Variants in SUGP2 observed in about 807,000 individuals in gnomAD.
The protein encoded by SUGP2 is SURP and G-patch domain containing 2.
Under a neutral mutation model 90.5 loss-of-function variants are expected in SUGP2, and 24 were observed. The observed-to-expected ratio is 0.27, with a 90% CI of 0.19 to 0.37. The LOEUF is 0.37. SUGP2 is among the 10% of genes least tolerant of loss of function. SUGP2 has a pLI of 1.00. For synonymous variants in SUGP2, 473 were observed against 513.4 expected (o/e 0.92, Z 1.06); for missense variants, 1,233 against 1,363.3 (o/e 0.90, Z 1.51).
At chr19:19,005,475 G>C (rs2058027411) in intron 6 of SUGP2, among the ~76,000 whole-genome samples, 1 of 151,884 alleles carries the variant, frequency 6.6e-6, no homozygotes, top group African/African-American at 2.4e-5. Context: ...GACTCATAAG[G>C]GGTTCCAGCC....
intron 6 of SUGP2, 34 bp downstream of exon 6, chr19:19,008,283 A>G (rs745634795): frequency 5.3e-6 from 8 of 1,517,932 alleles, no homozygotes; most frequent in Non-Finnish European, 7.3e-6. Flanking sequence ...TCTGAGAAAG[A>G]AAAAGGTGTG....
rs1380055583 is a variant in SUGP2, at chr19:19,010,270, G to A, written c.1923C>T (p.Ser641=). 6.2e-6 allele frequency: 10 copies of A among 1,614,036 alleles called. No homozygotes were observed. The highest frequency in any genetic ancestry group is 2.2e-5 in the East Asian group (1 of 44,872). ...TCTGGTCGGCTCCTCGCAAGTTCTC[G>A]CTCATCCGCTGCATTTCTGCCAACT... The part of the protein sequence containing the change: ...KLKLAEMQRM[S]ENLRGADQKP... Residue 641 remains serine, a synonymous_variant, in exon 5 of 11, where the codon AGC becomes AGT. Coordinates refer to ENST00000452918, the MANE Select transcript of SUGP2 (RefSeq NM_001017392.5).
chr19:19,012,898 C>G (rs997442378), intron 4 of SUGP2, among the ~76,000 whole-genome samples: 1 of 151,882 alleles, frequency 6.6e-6, no homozygotes, highest in African/African-American at 2.4e-5. Context: ...GAGTCTCGCT[C>G]TGTCACCCAG....
chr19:19,033,826 G>A (rs1050832505), upstream of SUGP2: 2 of 269,552 alleles, frequency 7.4e-6, no homozygotes, highest in South Asian at 7.6e-5. Flanking sequence ...CAAGCCTAGG[G>A]GCGCCACAGC....
chr19:19,005,865 ACACACACACACACACACACACACACAC>A (rs1404789573), intron 6 of SUGP2, among the ~76,000 whole-genome samples: 11 of 10,888 alleles, frequency 1.0e-3, no homozygotes, highest in East Asian at 7.6e-3. Flanking sequence ...ACACACACAC[ACACACACACACACACACACACACACAC>A]CACACACACA....
In SUGP2 at chr19:19,025,493, G is replaced by A. The variant is rs768523816; in HGVS notation, c.855C>T (p.Asn285=). The A allele has an allele frequency of 6.2e-7, 1 of 1,614,114 alleles. No homozygotes were observed. The highest frequency in any genetic ancestry group is 8.5e-7 in the Non-Finnish European group (1 of 1,180,008). ...GGAACTGGATATCTTCTGTCCCTGGGTTTGTCCCCAGGGTCACATCAGGAC... is the reference window on the plus strand; with the variant it reads ...GGAACTGGATATCTTCTGTCCCTGGATTTGTCCCCAGGGTCACATCAGGAC... ...TPSPDVTLGT[N]PGTEDIQFPI... Residue 285 remains asparagine (N), a synonymous_variant, in exon 3 of 11, where the codon AAC becomes AAT. Coordinates refer to ENST00000452918, the MANE Select transcript of SUGP2 (RefSeq NM_001017392.5).
rs972964591 is a variant in SUGP2 at position 19,018,816 on chromosome 19, C to A, written c.1850+293G>T. Among the ~76,000 whole-genome samples the A allele has an allele frequency of 2.6e-5, 4 of 151,778 alleles. No homozygotes were observed. The East Asian group carries it at 7.8e-4, about 29-fold the overall frequency. On this transcript the variant is annotated intron_variant, in intron 4 of 10. Transcript: ENST00000452918. The stretch of plus-strand genomic sequence containing the variant: ...TGTATTACTAATCTTACTACCCTTA[C>A]TCTGTATTCTCTGCATGCACATCTC...
chr19:19,031,876 C>T (rs1228541626), intron 1 of SUGP2, among the ~76,000 whole-genome samples: 1 of 143,162 alleles, frequency 7.0e-6, no homozygotes, highest in East Asian at 2.0e-4. Flanking sequence ...GTTGGCCAGG[C>T]TGGTCTCGAA....
At chr19:19,017,883 T>C (rs1165722070) in intron 4 of SUGP2, among the ~76,000 whole-genome samples, 1 of 151,328 alleles carries the variant, frequency 6.6e-6, no homozygotes, top group Non-Finnish European at 1.5e-5. Flanking sequence ...CATAATAAAC[T>C]GCCAGAAAGG....
chr19:19,010,568 T>C (rs922311212), intron 4 of SUGP2, among the ~76,000 whole-genome samples: 3 of 152,106 alleles, frequency 2.0e-5, no homozygotes, highest in Non-Finnish European at 2.9e-5. Context: ...CCTCCTTGAT[T>C]TCCATCAGCA....
At chr19:18,994,524 C>G in intron 9 of SUGP2, 38 bp from the exon 10 acceptor site, 1 of 1,608,318 alleles carries the variant, frequency 6.2e-7, no homozygotes, top group Non-Finnish European at 8.5e-7. Context: ...TGCACCTGAG[C>G]CCAGGGCCTG....
At chr19:19,011,139 T>TA (rs761596499) in intron 4 of SUGP2, among the ~76,000 whole-genome samples, 5,704 of 139,110 alleles carry the variant, frequency 0.041, 288 homozygotes, top group African/African-American at 0.13. Context: ...ACCCTATCTT[T>TA]AAAAAAAAAA....
intron 8 of SUGP2, 91 bp from the exon 9 acceptor site, chr19:18,995,371 C>T: frequency 7.1e-7 from 1 of 1,410,952 alleles, no homozygotes; most frequent in Admixed American, 2.7e-5. Flanking sequence ...CCCCTCACCC[C>T]CAAATGCCCT....
Position 18,992,835 on chromosome 19 carries a change from TG to T in SUGP2, c.*905del, listed in dbSNP as rs1439716902. 1 of 152,112 alleles carries T rather than the reference TG, an allele frequency of 6.6e-6. No individual in the cohort carries two copies. The highest frequency in any genetic ancestry group is 1.9e-4 in the East Asian group (1 of 5,180). The allele number at this position is 152,112 out of a possible 1,614,324, so 9.4% of individuals were successfully genotyped here. On this transcript the variant is annotated 3_prime_UTR_variant, in exon 11 of 11. Coordinates refer to ENST00000452918, the MANE Select transcript of SUGP2 (RefSeq NM_001017392.5). ...TCACAAGGAAGGATGAGTGGAGAAT[TG>T]AGTGGAGTTACACGCAGCAGAGTGC... is the stretch of plus-strand genomic sequence containing the variant.
At position 18,991,069 on chromosome 19, in the gene SUGP2, C is replaced by T. The variant is rs1453798611; in HGVS notation, c.*2672G>A. The T allele has an allele frequency of 1.3e-5, 2 of 152,114 alleles. No homozygotes were observed. Among genetic ancestry groups the T allele is most frequent in the Admixed American group, 6.6e-5 (1 of 15,258 alleles). 9.4% of individuals were successfully genotyped at this position (152,114 alleles called of 1,614,324 possible). A position where few individuals can be genotyped will look rare whatever the true frequency, so the allele number is the denominator to read the frequency against. ...TCTAAGTGATTTCCAGTGATGGAAA[C>T]AAGCCAGAGACAGTAAAGCACCCAG... On this transcript the variant is annotated 3_prime_UTR_variant, in exon 11 of 11. Transcript: ENST00000452918.
At chr19:19,015,990 A>G (rs576133851) in intron 4 of SUGP2, among the ~76,000 whole-genome samples, 1 of 152,302 alleles carries the variant, frequency 6.6e-6, no homozygotes, top group South Asian at 2.1e-4. Context: ...TGGATACAAT[A>G]TACTCTTATT....
At chr19:18,994,325 AG>A (rs775493200) in intron 10 of SUGP2, 40 bp downstream of exon 10, 1 of 1,597,968 alleles carries the variant, frequency 6.3e-7, no homozygotes, top group Non-Finnish European at 8.6e-7. Context: ...CCAGCACGCC[AG>A]CGAGGGCAGA....
At chr19:18,999,874 C>A (rs981648046) in intron 8 of SUGP2, among the ~76,000 whole-genome samples, 30 of 152,166 alleles carry the variant, frequency 2.0e-4, no homozygotes, top group Non-Finnish European at 2.5e-4. Context: ...CAGTGAATGG[C>A]AGTTCTGTCC....
intron 5 of SUGP2, 38 bp downstream of exon 5, chr19:19,009,817 C>T: frequency 1.3e-6 from 2 of 1,559,490 alleles, no homozygotes; most frequent in Non-Finnish European, 1.7e-6. Flanking sequence ...AGAGTAGGGA[C>T]TGGGGCCCAG....
Sources: allele counts gnomAD v4.1 joint callset (sites outside exome capture counted in the v4.1 genomes callset), GRCh38; gene constraint gnomAD v4.1.1; transcripts MANE v1.5; gene names NCBI Gene and HGNC (gene_info 2026-07-23, HGNC 2026-07-21).